The following RBFOX1 variants were observed in gnomAD, a reference collection of about 807,000 sequenced individuals.
The protein encoded by RBFOX1 is RNA binding fox-1 homolog 1, also known as RNA binding protein fox-1 homolog 1.
In RBFOX1, 8 loss-of-function variants were observed where a neutral mutation model predicts 57.7. The observed-to-expected ratio is 0.14, with a 90% CI of 0.08 to 0.25. RBFOX1 has a LOEUF of 0.25. Among genes scored for constraint, RBFOX1 ranks in the 10% least tolerant of loss-of-function variants. RBFOX1 has a pLI of 1.00. For missense variants in RBFOX1, 611 were observed against 548.5 expected, an observed-to-expected ratio of 1.11 and a Z score of -1.14; for synonymous variants, 326 against 222.4, an observed-to-expected ratio of 1.47 and a Z score of -4.15.
chr16:7,524,021 C>G (rs998487145), intron 5 of RBFOX1, among the ~76,000 whole-genome samples: 3 of 152,210 alleles, frequency 2.0e-5, no homozygotes, highest in Non-Finnish European at 2.9e-5. Flanking sequence ...CAAAAAGTTA[C>G]TATTGTGAGA....
chr16:7,299,709 G>C (rs1349386224), intron 4 of RBFOX1, among the ~76,000 whole-genome samples: 1 of 152,148 alleles, frequency 6.6e-6, no homozygotes, highest in East Asian at 1.9e-4. Context: ...ATCAGGGGTT[G>C]AGACATTCTA....
intron 3 of RBFOX1, among the ~76,000 whole-genome samples, chr16:6,904,624 A>T (rs1182539063): frequency 6.7e-6 from 1 of 149,252 alleles, no homozygotes; most frequent in Non-Finnish European, 1.5e-5. Flanking sequence ...AAAAAAAAAA[A>T]AAAAGAAGAA....
intron 3 of RBFOX1, among the ~76,000 whole-genome samples, chr16:5,805,694 G>C (rs1042061802): frequency 1.3e-5 from 2 of 152,192 alleles, no homozygotes; most frequent in Non-Finnish European, 2.9e-5. Flanking sequence ...AACTCAGAGG[G>C]CTATAGGAAG....
At chr16:5,277,697 C>G (rs1209530949) in intron 1 of RBFOX1, among the ~76,000 whole-genome samples, 1 of 152,140 alleles carries the variant, frequency 6.6e-6, no homozygotes, top group Non-Finnish European at 1.5e-5. Context: ...ATACATGGCC[C>G]CCACTTTGAT....
chr16:6,401,594 T>C (rs1596634471), intron 2 of RBFOX1, among the ~76,000 whole-genome samples: 2 of 152,272 alleles, frequency 1.3e-5, no homozygotes, highest in South Asian at 4.1e-4. Context: ...TTAACTAAAA[T>C]ATGATCATTT....
chr16:6,047,620 C>T (rs374565991), intron 1 of RBFOX1, among the ~76,000 whole-genome samples: 64 of 152,212 alleles, frequency 4.2e-4, no homozygotes, highest in African/African-American at 1.7e-4. Context: ...GACTTGCTCA[C>T]AGACCAGATT....
At chr16:5,345,565 A>G (rs78485618) in intron 1 of RBFOX1, among the ~76,000 whole-genome samples, 3,347 of 152,230 alleles carry the variant, frequency 0.022, 113 homozygotes, top group African/African-American at 0.077. Flanking sequence ...CTCCCAACTG[A>G]GGATTTCTGT....
At chr16:5,604,589 C>G (rs72763278), downstream of RBFOX1, among the ~76,000 whole-genome samples, 3 of 152,130 alleles carry the variant, frequency 2.0e-5, no homozygotes, top group African/African-American at 7.2e-5. Flanking sequence ...CCAACATAAT[C>G]ATGGCATGCC....
At position 5,562,809 on chromosome 16, in the gene RBFOX1, G is replaced by T. The variant is rs181180021; in HGVS notation, c.259-36093G>T. On this transcript the variant is annotated intron_variant, in intron 2 of 2. Transcript: ENST00000585867. ...CTGCCATTTTCTGATGAGCCCTTTG[G>T]GATTTTACAAGAGGAACTACCTTTA... Among the ~76,000 whole-genome samples, 379 of 152,088 alleles carry T rather than the reference G, an allele frequency of 2.5e-3. 2 individuals carry two copies. The highest frequency in any genetic ancestry group is 8.8e-3 in the African/African-American group (364 of 41,466).
At chr16:6,605,396 G>T (rs565113036) in intron 2 of RBFOX1, among the ~76,000 whole-genome samples, 1 of 152,138 alleles carries the variant, frequency 6.6e-6, no homozygotes, top group East Asian at 1.9e-4. Context: ...TTGCTTTATT[G>T]ATTTATGATA....
intron 4 of RBFOX1, among the ~76,000 whole-genome samples, chr16:7,074,359 GC>G (rs1438119678): frequency 6.6e-6 from 1 of 152,190 alleles, no homozygotes; most frequent in Non-Finnish European, 1.5e-5. Flanking sequence ...AGTAATTACG[GC>G]TTTTGCCATT....
At chr16:6,876,410 A>C (rs753056120) in intron 3 of RBFOX1, among the ~76,000 whole-genome samples, 1 of 124,052 alleles carries the variant, frequency 8.1e-6, no homozygotes, top group African/African-American at 3.4e-5. Context: ...TATGAAGTAA[A>C]TTAGCTGAAA....
chr16:6,950,095 C>T (rs139272038), intron 3 of RBFOX1, among the ~76,000 whole-genome samples: 6 of 148,462 alleles, frequency 4.0e-5, no homozygotes, highest in African/African-American at 1.2e-4. Context: ...TATAGGCATG[C>T]GCCACTACGC....
chr16:6,768,538 C>A (rs1026062947), intron 3 of RBFOX1, among the ~76,000 whole-genome samples: 1 of 151,504 alleles, frequency 6.6e-6, no homozygotes, highest in African/African-American at 2.4e-5. Context: ...TATACATTGA[C>A]AAAAATATTT....
chr16:6,815,429 G>C (rs981630600), intron 3 of RBFOX1, among the ~76,000 whole-genome samples: 1 of 152,112 alleles, frequency 6.6e-6, no homozygotes, highest in Non-Finnish European at 1.5e-5. Flanking sequence ...TTTCAAGATG[G>C]AGTCACTCTG....
chr16:6,311,963 A>G (rs1312966229), intron 1 of RBFOX1, among the ~76,000 whole-genome samples: 2 of 152,172 alleles, frequency 1.3e-5, no homozygotes, highest in Non-Finnish European at 2.9e-5. Flanking sequence ...AAGGACAGTT[A>G]AACGCCAGAC....
intron 4 of RBFOX1, among the ~76,000 whole-genome samples, chr16:7,314,373 T>G (rs900210213): frequency 6.6e-6 from 1 of 152,210 alleles, no homozygotes; most frequent in East Asian, 1.9e-4. Flanking sequence ...CATGCTGTTT[T>G]GCTCAGTGCA....
At chr16:6,710,596 A>C (rs1441709154) in intron 3 of RBFOX1, among the ~76,000 whole-genome samples, 3 of 152,238 alleles carry the variant, frequency 2.0e-5, no homozygotes, top group Non-Finnish European at 2.9e-5. Context: ...ACCATTTGCA[A>C]CTGAAAGAAG....
chr16:7,299,817 G>C (rs151140884), intron 4 of RBFOX1, among the ~76,000 whole-genome samples: 1 of 152,282 alleles, frequency 6.6e-6, no homozygotes, highest in African/African-American at 2.4e-5. Context: ...AATTCATGTA[G>C]ACATGCTCCT....
Sources: gnomAD v4.1 joint callset for allele counts (sites outside exome capture counted in the v4.1 genomes callset) on GRCh38, gnomAD v4.1.1 for gene constraint, MANE v1.5 for transcripts, NCBI Gene and HGNC (gene_info 2026-07-23, HGNC 2026-07-21) for gene names.